Variants in C11orf16 observed in about 807,000 individuals in gnomAD.
C11orf16 encodes the protein uncharacterized protein C11orf16.
In C11orf16, 38 loss-of-function variants were observed where a neutral mutation model predicts 45.1. The ratio of observed to expected loss-of-function variants is 0.84; its 90% CI spans 0.65 to 1.10. The LOEUF is 1.10. Among genes scored for constraint, C11orf16 ranks in the 50% least tolerant of loss-of-function variants. The pLI, the probability that C11orf16 is intolerant of heterozygous loss-of-function variation, is 0.00. For synonymous variants in C11orf16, 221 were observed against 222.0 expected (o/e 1.00, Z 0.04); for missense variants, 583 against 569.5 (o/e 1.02, Z -0.24).
Position 8,932,278 on chromosome 11 carries a change from A to C in C11orf16, c.31T>G (p.Leu11Val), listed in dbSNP as rs571765317. The stretch of plus-strand genomic sequence containing the variant: ...GTGGCCACGCTGCAGTATTTGAGCA[A>C]AGGCATCCTGGGCCCCGTGGAGGAT... MESSTGPRMP[L>V]LKYCSVATSL... The change falls in exon 2 of 7, where the codon TTG becomes GTG. Residue 11 changes from leucine (L) to valine (V), a missense_variant. By Grantham distance (32) the Leu-to-Val change is conservative (BLOSUM62 1). Transcript: ENST00000326053. The C allele has an allele frequency of 2.5e-6, 4 of 1,611,048 alleles. No individual in the cohort carries two copies. The highest frequency in any genetic ancestry group is 3.4e-6 in the Non-Finnish European group (4 of 1,178,776).
intron 4 of C11orf16, 75 bp downstream of exon 4, chr11:8,926,865 C>G (rs2064617577): frequency 8.2e-7 from 1 of 1,223,218 alleles, no homozygotes; most frequent in South Asian, 1.3e-5. Flanking sequence ...GTAGACGCAG[C>G]CTTGGCTCTC....
At chr11:8,927,228 G>A in intron 3 of C11orf16, 54 bp from the exon 4 acceptor site, 2 of 1,430,804 alleles carry the variant, frequency 1.4e-6, no homozygotes, top group Non-Finnish European at 9.7e-7. Flanking sequence ...GTACAATAGG[G>A]AGCACCCAGG....
At chr11:8,929,597 C>T in intron 2 of C11orf16, 64 bp from the exon 3 acceptor site, 1 of 1,436,980 alleles carries the variant, frequency 7.0e-7, no homozygotes, top group Non-Finnish European at 9.3e-7. Flanking sequence ...TCAAGAAACA[C>T]GTTTCGCAGG....
At position 8,925,984 on chromosome 11, in the gene C11orf16, G is replaced by C. The variant is rs764124543; in HGVS notation, c.683C>G (p.Ser228Cys). 3 of 1,614,102 alleles carry C rather than the reference G, an allele frequency of 1.9e-6. No individual in the cohort carries two copies. In the South Asian group the frequency reaches 3.3e-5, roughly 18 times the overall value. ...GGGCCTGGGGTGCTCCCTGGTGAAA[G>C]ACTTGTGCAGCCTCTCCACAGCCTT... is the stretch of plus-strand genomic sequence containing the variant. Reference protein sequence around the residue: ...WKKAVERLHKSFTREHPRPLH... With the variant: ...WKKAVERLHKCFTREHPRPLH... Residue 228 changes from serine (S) to cysteine (C), a missense_variant, in exon 5 of 7, where the codon TCT (serine) becomes TGT (cysteine). Ser to Cys is a moderately radical substitution (Grantham distance 112). Transcript: ENST00000326053.
intron 5 of C11orf16, among the ~76,000 whole-genome samples, chr11:8,925,244 T>C (rs1469473573): frequency 1.3e-5 from 2 of 152,220 alleles, no homozygotes; most frequent in Non-Finnish European, 2.9e-5. Context: ...AGCACAAAGA[T>C]CAGTTCATCC....
At chr11:8,923,526 A>G in intron 5 of C11orf16, among the ~76,000 whole-genome samples, 1 of 152,232 alleles carries the variant, frequency 6.6e-6, no homozygotes, top group East Asian at 1.9e-4. Context: ...AAGTGATAAT[A>G]TAAAGAAAAT....
At chr11:8,927,735 A>C (rs2064624625) in intron 3 of C11orf16, 1 of 451,124 alleles carries the variant, frequency 2.2e-6, no homozygotes, top group African/African-American at 2.0e-5. Context: ...CAAAAGTGAG[A>C]GAACAGTGCT....
In C11orf16 at chr11:8,932,179, G is replaced by T. The variant is rs760738798; in HGVS notation, c.130C>A (p.Gln44Lys). 6.3e-7 allele frequency: 1 copy of T among 1,590,772 alleles called. No homozygotes were observed. Among genetic ancestry groups the T allele is most frequent in the Non-Finnish European group, 8.6e-7 (1 of 1,169,142 alleles). ...DLSFTYPFAL[Q>K]APWLTGHKPL... ...TTGTGCCCGGTGAGCCAGGGTGCTT[G>T]GAGGGCAAAGGGGTAGGTGAAGGAG... is the stretch of plus-strand genomic sequence containing the variant. Residue 44 changes from glutamine (Q) to lysine (K), a missense_variant, in exon 2 of 7, where the codon CAA (glutamine) becomes AAA (lysine). Coordinates refer to ENST00000326053, the MANE Select transcript of C11orf16 (RefSeq NM_020643.3).
intron 1 of C11orf16, 125 bp from the exon 2 acceptor site, chr11:8,932,451 C>G: frequency 1.5e-6 from 1 of 670,408 alleles, no homozygotes; most frequent in Non-Finnish European, 2.3e-6. Context: ...CACGGCCCTA[C>G]CTGCTCCCAC....
chr11:8,932,861 C>G (rs929105345), intron 1 of C11orf16, 40 bp downstream of exon 1: 4 of 152,998 alleles, frequency 2.6e-5, no homozygotes, highest in African/African-American at 9.7e-5. Context: ...GAGGGTCTGC[C>G]CCTGCCCAAG....
At chr11:8,921,259 C>T in intron 6 of C11orf16, 35 bp downstream of exon 6, 4 of 1,570,148 alleles carry the variant, frequency 2.5e-6, no homozygotes, top group Non-Finnish European at 3.5e-6. Context: ...TGTGAGGAGT[C>T]CTTAGGAAGC....
At position 8,932,135 on chromosome 11, in the gene C11orf16, C is replaced by CAGGT. The variant is rs1566114936; in HGVS notation, c.167+3_167+6dup. On this transcript the variant is annotated splice_region_variant and intron_variant, in intron 2 of 6. Coordinates refer to ENST00000326053, the MANE Select transcript of C11orf16 (RefSeq NM_020643.3). ...TCCACTTCCCCCAGAGGGGCAGAGA[C>CAGGT]AGGTACCTTGCAAGGGGCTTGTGCC... is the stretch of plus-strand genomic sequence containing the variant. 1 of 1,571,686 alleles carries CAGGT rather than the reference C, an allele frequency of 6.4e-7. No individual in the cohort carries two copies. The highest frequency in any genetic ancestry group is 1.9e-5 in the Admixed American group (1 of 51,956).
rs552354268 is a variant in C11orf16 at position 8,929,602 on chromosome 11, C to T, written c.168-69G>A. The T allele has an allele frequency of 3.6e-5, 50 of 1,407,346 alleles. No individual in the cohort carries two copies. The Middle Eastern group carries it at 6.1e-4, about 17-fold the overall frequency. 87.2% of individuals were successfully genotyped at this position (1,407,346 alleles called of 1,614,324 possible). A position where few individuals can be genotyped will look rare whatever the true frequency, so the allele number is the denominator to read the frequency against. On this transcript the variant is annotated intron_variant, in intron 2 of 6. Coordinates refer to ENST00000326053, the MANE Select transcript of C11orf16 (RefSeq NM_020643.3). ...CCTAAACACATCAAGAAACACGTTT[C>T]GCAGGTACATCTGAGGTACACCACA...
At chr11:8,932,529 T>C (rs575528140) in intron 1 of C11orf16, among the ~76,000 whole-genome samples, 89 of 152,286 alleles carry the variant, frequency 5.8e-4, no homozygotes, top group African/African-American at 2.0e-3. Context: ...AGGGAAGGGA[T>C]TGGAAGAGCA....
Position 8,925,692 on chromosome 11 carries a change from T to A in C11orf16, c.975A>T (p.Lys325Asn). Reference protein sequence around the residue: ...LLPLEGPKEEKVAMHAPLAVS... With the variant: ...LLPLEGPKEENVAMHAPLAVS... ...CAGCCAGGGGAGCGTGCATTGCTAC[T>A]TTCTCCTCTTTAGGACCTTCCAGGG... The change falls in exon 5 of 7, where the codon AAA becomes AAT. Residue 325 changes from lysine (K) to asparagine (N), a missense_variant. Lys to Asn is a moderately conservative substitution (Grantham distance 94). Transcript: ENST00000326053. The A allele has an allele frequency of 6.2e-7, 1 of 1,614,256 alleles. No individual in the cohort carries two copies. The highest frequency in any genetic ancestry group is 1.7e-5 in the Admixed American group (1 of 60,032).
rs942039967 is a variant in C11orf16, at chr11:8,927,406, T to C, written c.325-232A>G. 5.2e-6 allele frequency: 3 copies of C among 573,096 alleles called. No homozygotes were observed. In the African/African-American group the frequency reaches 5.6e-5, roughly 11 times the overall value. The allele number at this position is 573,096 out of a possible 1,614,324, so 35.5% of individuals were successfully genotyped here. A position where few individuals can be genotyped will look rare whatever the true frequency, so the allele number is the denominator to read the frequency against. Reference sequence around the variant, plus strand: ...AATCTCTTCCTGCCTCGGGCAACTCTTGTGGATCACTTCCTGCCTCTGCCT... The same window carrying C: ...AATCTCTTCCTGCCTCGGGCAACTCCTGTGGATCACTTCCTGCCTCTGCCT... On this transcript the variant is annotated intron_variant, in intron 3 of 6. Transcript: ENST00000326053.
chr11:8,928,689 CAG>C (rs927564382), intron 3 of C11orf16, among the ~76,000 whole-genome samples: 1 of 152,074 alleles, frequency 6.6e-6, no homozygotes, highest in African/African-American at 2.4e-5. Context: ...TTTGTAGAGA[CAG>C]GGTCTCACTG....
chr11:8,926,125 GC>G lies in C11orf16; in HGVS notation c.560-19del. On this transcript the variant is annotated intron_variant, in intron 4 of 6. Coordinates refer to ENST00000326053, the MANE Select transcript of C11orf16 (RefSeq NM_020643.3). ...CTTTGATGCTACATAACAAAAAATG[GC>G]AACATTTTGTTATAATTACCAATTA... is the stretch of plus-strand genomic sequence containing the variant. The G allele has an allele frequency of 6.5e-7, 1 of 1,531,902 alleles. No individual in the cohort carries two copies. The highest frequency in any genetic ancestry group is 8.8e-7 in the Non-Finnish European group (1 of 1,139,082). 94.9% of individuals were successfully genotyped at this position (1,531,902 alleles called of 1,614,324 possible).
At chr11:8,922,349 G>A (rs1043043235) in intron 5 of C11orf16, among the ~76,000 whole-genome samples, 3 of 151,640 alleles carry the variant, frequency 2.0e-5, no homozygotes, top group Non-Finnish European at 4.4e-5. Flanking sequence ...CACCAGCCTG[G>A]GTGACATAGT....
Sources: gnomAD v4.1 joint callset for allele counts (sites outside exome capture counted in the v4.1 genomes callset) on GRCh38, gnomAD v4.1.1 for gene constraint, MANE v1.5 for transcripts, NCBI Gene and HGNC (gene_info 2026-07-23, HGNC 2026-07-21) for gene names.